TERT: variants seen among roughly 807,000 people sequenced by gnomAD.
TERT encodes the protein telomerase reverse transcriptase, also known as telomerase catalytic subunit.
TERT carries 42 observed loss-of-function variants against 104.0 expected under a neutral mutation model. That is an observed-to-expected ratio of 0.40 (90% CI 0.32 to 0.52). The LOEUF is 0.52. Among genes scored for constraint, TERT ranks in the 20% least tolerant of loss-of-function variants. The probability of loss-of-function intolerance (pLI) is 0.43; values close to 1 mark genes in which losing one functional copy is unlikely to be tolerated. For missense variants in TERT, 1,101 were observed against 1,610.3 expected, an observed-to-expected ratio of 0.68 and a Z score of 5.41; for synonymous variants, 781 against 725.6, an observed-to-expected ratio of 1.08 and a Z score of -1.23.
rs1468090109 is a variant in TERT at position 1,262,087 on chromosome 5, T to A, written c.2844-1487A>T. ...CTGGTTTCATCCGCCTCCCTGTGTG[T>A]CCTTCCCCAACACCAAACCAGGGAA... On this transcript the variant is annotated intron_variant, in intron 11 of 15. Coordinates refer to ENST00000310581, the MANE Select transcript of TERT (RefSeq NM_198253.3). The surrounding 1 kb of genome is among the most constrained non-coding windows in gnomAD (Gnocchi z 5.6). Among the ~76,000 whole-genome samples, 1 of 152,212 alleles carries A rather than the reference T, an allele frequency of 6.6e-6. No homozygotes were observed. The highest frequency in any genetic ancestry group is 1.5e-5 in the Non-Finnish European group (1 of 68,036).
At chr5:1,280,387 A>AG in intron 3 of TERT, 49 bp from the exon 4 acceptor site, 1 of 1,591,620 alleles carries the variant, frequency 6.3e-7, no homozygotes. Flanking sequence ...ACAACAGACT[A>AG]GGGGGAAGCT....
chr5:1,281,303 G>A lies in TERT; in HGVS notation c.1770-965C>T, dbSNP rs35071105. On this transcript the variant is annotated intron_variant, in intron 3 of 15. Coordinates refer to ENST00000310581, the MANE Select transcript of TERT (RefSeq NM_198253.3). Reference sequence around the variant, plus strand: ...AAGGAAATGGCCCCAGCACCACGTCGGGGTCCCCAGCCCAGAGGCTGTGTT... The same window carrying A: ...AAGGAAATGGCCCCAGCACCACGTCAGGGTCCCCAGCCCAGAGGCTGTGTT... Among the ~76,000 whole-genome samples the A allele has an allele frequency of 2.9e-3, 442 of 152,312 alleles. 9 individuals are homozygous for A. The highest frequency in any genetic ancestry group is 0.026 in the Admixed American group (391 of 15,302).
Position 1,271,348 on chromosome 5 carries a change from G to A in TERT, c.2383-144C>T, listed in dbSNP as rs1157477972. Reference sequence around the variant, plus strand: ...TGGGCTGGAATGCAGGGCCATCGTGGGCTGGCCGGGCCGAGTCTCTGCAGA... The same window carrying A: ...TGGGCTGGAATGCAGGGCCATCGTGAGCTGGCCGGGCCGAGTCTCTGCAGA... On this transcript the variant is annotated intron_variant, in intron 7 of 15. Transcript: ENST00000310581. 3 of 718,160 alleles carry A rather than the reference G, an allele frequency of 4.2e-6. No homozygotes were observed. The Admixed American group carries it at 6.0e-5, about 14-fold the overall frequency. 44.5% of individuals were successfully genotyped at this position (718,160 alleles called of 1,614,324 possible). A position where few individuals can be genotyped will look rare whatever the true frequency, so the allele number is the denominator to read the frequency against.
chr5:1,288,558 C>A lies in TERT; in HGVS notation c.1573+4755G>T, dbSNP rs907350449. ...GGCAGAGCCCAGCCTAAGCAATGAGCGGCAGGTGCCCAGAATAAGGTGACA... is the reference window on the plus strand; with the variant it reads ...GGCAGAGCCCAGCCTAAGCAATGAGAGGCAGGTGCCCAGAATAAGGTGACA... On this transcript the variant is annotated intron_variant, in intron 2 of 15. Coordinates refer to ENST00000310581, the MANE Select transcript of TERT (RefSeq NM_198253.3). This position sits in a 1 kb window ranked among gnomAD's most constrained non-coding sequence, Gnocchi z 5.3. 6.6e-5 allele frequency among the ~76,000 whole-genome samples: 10 copies of A among 151,982 alleles called. No individual in the cohort carries two copies. The highest frequency in any genetic ancestry group is 2.4e-4 in the African/African-American group (10 of 41,366).
rs1316553543 is a variant in TERT, at chr5:1,294,526, G to A, written c.360C>T (p.Arg120=). The A allele has an allele frequency of 6.3e-7, 1 of 1,577,106 alleles. No individual in the cohort carries two copies. Among genetic ancestry groups the A allele is most frequent in the Non-Finnish European group, 8.6e-7 (1 of 1,169,454 alleles). Residue 120 remains arginine (R), a synonymous_variant, in exon 2 of 16, where the codon CGC becomes CGT. Transcript: ENST00000310581. ...CGGTCACCGTGTTGGGCAGGTAGCTGCGCACGCTGGTGGTGAAGGCCTCGG... is the reference window on the plus strand; with the variant it reads ...CGGTCACCGTGTTGGGCAGGTAGCTACGCACGCTGGTGGTGAAGGCCTCGG... ...GPPEAFTTSV[R]SYLPNTVTDA...
At position 1,286,643 on chromosome 5, in the gene TERT, C is replaced by G. The variant is rs1750511626; in HGVS notation, c.1574-4019G>C. Among the ~76,000 whole-genome samples the G allele has an allele frequency of 1.3e-5, 2 of 152,064 alleles. No homozygotes were observed. The highest frequency in any genetic ancestry group is 4.8e-5 in the African/African-American group (2 of 41,392). ...CTGTAATCCCAGCACTGTGGGAGGC[C>G]AAGGCGGGCAGATCACTTGAGGTCA... On this transcript the variant is annotated intron_variant, in intron 2 of 15. Coordinates refer to ENST00000310581, the MANE Select transcript of TERT (RefSeq NM_198253.3). This position sits in a 1 kb window ranked among gnomAD's most constrained non-coding sequence, Gnocchi z 5.3.
In TERT at chr5:1,294,011, G is replaced by A. The variant is rs1751193051; in HGVS notation, c.875C>T (p.Thr292Met). 6.3e-7 allele frequency: 1 copy of A among 1,586,736 alleles called. No individual in the cohort carries two copies. The highest frequency in any genetic ancestry group is 1.1e-5 in the South Asian group (1 of 87,600). The change falls in exon 2 of 16, where the codon ACG becomes ATG. Residue 292 changes from threonine to methionine, a missense_variant. Thr to Met is a moderately conservative substitution (Grantham distance 81). Transcript: ENST00000310581. The stretch of plus-strand genomic sequence containing the variant: ...GCCCACGGATGGGTGGGAGTGGCGC[G>A]TGCCAGAGAGCGCACCCTCCAAAGA... ...ATSLEGALSGTRHSHPSVGRQ... is the reference protein window; with the variant it reads ...ATSLEGALSGMRHSHPSVGRQ...
rs1747633282 is a variant in TERT at position 1,255,260 on chromosome 5, C to A, written c.3157+27G>T. On this transcript the variant is annotated intron_variant, in intron 14 of 15. Coordinates refer to ENST00000310581, the MANE Select transcript of TERT (RefSeq NM_198253.3). The surrounding 1 kb of genome is among the most constrained non-coding windows in gnomAD (Gnocchi z 6.9). Reference sequence around the variant, plus strand: ...TAACACCAGCAGGCAGGCACTGCTGCCACTGAGGCCAGGCACCTGCACATA... The same window carrying A: ...TAACACCAGCAGGCAGGCACTGCTGACACTGAGGCCAGGCACCTGCACATA... 1 of 1,611,688 alleles carries A rather than the reference C, an allele frequency of 6.2e-7. No homozygotes were observed. The highest frequency in any genetic ancestry group is 1.3e-5 in the African/African-American group (1 of 74,894).
Position 1,282,507 on chromosome 5 carries a change from G to A in TERT, c.1691C>T (p.Thr564Met), listed in dbSNP as rs1251489309. 1 of 1,614,158 alleles carries A rather than the reference G, an allele frequency of 6.2e-7. No homozygotes were observed. Among genetic ancestry groups the A allele is most frequent in the African/African-American group, 1.3e-5 (1 of 75,050 alleles). ...VELLRSFFYV[T>M]ETTFQKNRLF... ...CCTGTTCTTTTGAAACGTGGTCTCC[G>A]TGACATAAAAGAAAGACCTGAGCAG... The change falls in exon 3 of 16, where the codon ACG (threonine) becomes ATG (methionine). Residue 564 changes from threonine to methionine, a missense_variant. This residue lies in a region of TERT where 463 missense variants were observed against 797.5 expected (regional missense o/e 0.58). Transcript: ENST00000310581.
intron 6 of TERT, among the ~76,000 whole-genome samples, chr5:1,277,607 G>GT (rs900678595): frequency 9.0e-5 from 6 of 66,436 alleles, no homozygotes; most frequent in East Asian, 1.5e-3. Flanking sequence ...CGGGGATGTG[G>GT]GGGGGGGTCT....
chr5:1,290,521 C>T (rs1246070639), intron 2 of TERT, among the ~76,000 whole-genome samples: 2 of 55,256 alleles, frequency 3.6e-5, no homozygotes, highest in South Asian at 4.4e-4. Context: ...CAGCGCCTCA[C>T]TCACCCTGCA....
At chr5:1,273,749 GACC>G in intron 6 of TERT, among the ~76,000 whole-genome samples, 1 of 52,224 alleles carries the variant, frequency 1.9e-5, no homozygotes, top group South Asian at 6.5e-4. Flanking sequence ...CAGACCCCAC[GACC>G]GCCATCCACA....
At position 1,269,877 on chromosome 5, in the gene TERT, C is replaced by T. The variant is rs942690596; in HGVS notation, c.2468+1242G>A. Among the ~76,000 whole-genome samples, 12 of 152,298 alleles carry T rather than the reference C, an allele frequency of 7.9e-5. No individual in the cohort carries two copies. The highest frequency in any genetic ancestry group is 2.9e-5 in the Non-Finnish European group (2 of 68,022). ...TGGACCACGATGGGGACTAGAGCTTCGGGCCTGTCCGTGTCCTAGGGACAG... is the reference window on the plus strand; with the variant it reads ...TGGACCACGATGGGGACTAGAGCTTTGGGCCTGTCCGTGTCCTAGGGACAG... On this transcript the variant is annotated intron_variant, in intron 8 of 15. Coordinates refer to ENST00000310581, the MANE Select transcript of TERT (RefSeq NM_198253.3). The surrounding 1 kb of genome is among the most constrained non-coding windows in gnomAD (Gnocchi z 9.0).
At chr5:1,285,002 G>A (rs1377648619) in intron 2 of TERT, among the ~76,000 whole-genome samples, 18 of 131,244 alleles carry the variant, frequency 1.4e-4, no homozygotes, top group African/African-American at 3.5e-4. Context: ...AGGGCCTGGC[G>A]ACCTCACCCC....
Position 1,277,093 on chromosome 5 carries a change from G to A in TERT, c.2286+1548C>T, listed in dbSNP as rs1205309427. 2.6e-5 allele frequency among the ~76,000 whole-genome samples: 4 copies of A among 152,212 alleles called. No individual in the cohort carries two copies. In the East Asian group the frequency reaches 7.7e-4, roughly 29 times the overall value. ...GCAAGAGCCCCGGGGCGGCCAGCACGGGAACACTGTGGGCACGTGGGCATC... is the reference window on the plus strand; with the variant it reads ...GCAAGAGCCCCGGGGCGGCCAGCACAGGAACACTGTGGGCACGTGGGCATC... On this transcript the variant is annotated intron_variant, in intron 6 of 15. Coordinates refer to ENST00000310581, the MANE Select transcript of TERT (RefSeq NM_198253.3).
intron 7 of TERT, 37 bp from the exon 8 acceptor site, chr5:1,271,241 G>T: frequency 6.6e-7 from 1 of 1,515,774 alleles, no homozygotes; most frequent in South Asian, 1.1e-5. Context: ...GGAGTGAGCC[G>T]GTGGGTGCTG....
At chr5:1,253,928 CA>C in intron 15 of TERT, 97 bp from the exon 16 acceptor site, 2 of 1,326,870 alleles carry the variant, frequency 1.5e-6, no homozygotes, top group Non-Finnish European at 2.1e-6. Context: ...GCAGGGCCTG[CA>C]CCTCGTGGCC....
At chr5:1,278,247 C>T (rs1346274374) in intron 6 of TERT, among the ~76,000 whole-genome samples, 1 of 152,182 alleles carries the variant, frequency 6.6e-6, no homozygotes, top group Non-Finnish European at 1.5e-5. Context: ...GCGGACCATG[C>T]CTGGAGGAGG....
rs370891600 is a variant in TERT, at chr5:1,282,704, G to T, written c.1574-80C>A. ...CCCGGACCTGCACCATCCGGACACC[G>T]CACATCCAGCTCACCAAGGGCCTGG... On this transcript the variant is annotated intron_variant, in intron 2 of 15. Coordinates refer to ENST00000310581, the MANE Select transcript of TERT (RefSeq NM_198253.3). The T allele has an allele frequency of 4.6e-4, 655 of 1,412,294 alleles. 1 individual carries two copies. In the African/African-American group the frequency reaches 6.7e-3, roughly 14 times the overall value. 87.5% of individuals were successfully genotyped at this position (1,412,294 alleles called of 1,614,324 possible). A position where few individuals can be genotyped will look rare whatever the true frequency, so the allele number is the denominator to read the frequency against.
Sources: allele counts gnomAD v4.1 joint callset (sites outside exome capture counted in the v4.1 genomes callset), GRCh38; gene constraint gnomAD v4.1.1; regional missense constraint gnomAD v4.1.1; non-coding constraint Gnocchi (gnomAD v3.1); transcripts MANE v1.5; gene names NCBI Gene and HGNC (gene_info 2026-07-23, HGNC 2026-07-21).